The following SYNPR variants were observed in gnomAD, a reference collection of about 807,000 sequenced individuals.
The protein encoded by SYNPR is synaptoporin.
In SYNPR, 23 loss-of-function variants were observed where a neutral mutation model predicts 32.9. That is an observed-to-expected ratio of 0.70 (90% CI 0.50 to 0.99). The LOEUF is 0.99. SYNPR is among the 50% of genes least tolerant of loss of function. SYNPR has a pLI of 0.00. For missense variants in SYNPR, 318 were observed against 349.3 expected (o/e 0.91, Z 0.71); for synonymous variants, 146 against 135.9 (o/e 1.07, Z -0.52).
In SYNPR at chr3:63,454,403, C is replaced by T. The variant is rs76285966; in HGVS notation, c.85-26429C>T. Among the ~76,000 whole-genome samples, 1,291 of 152,274 alleles carry T rather than the reference C, an allele frequency of 8.5e-3. 57 individuals carry two copies. The East Asian group carries it at 0.13, about 16-fold the overall frequency. The stretch of plus-strand genomic sequence containing the variant: ...GATTCGAAGCTTGTTGACCAACCAA[C>T]ACCACTTCTTCTGCTTCCCAGAGAA... On this transcript the variant is annotated intron_variant, in intron 2 of 5. Coordinates refer to ENST00000478300, the MANE Select transcript of SYNPR (RefSeq NM_001130003.2).
intron 3 of SYNPR, among the ~76,000 whole-genome samples, chr3:63,494,441 A>G (rs907517005): frequency 7.9e-6 from 1 of 126,258 alleles, no homozygotes; most frequent in African/African-American, 3.1e-5. Flanking sequence ...ATACGTATAT[A>G]TATATACACA....
At chr3:63,485,594 T>C (rs962244749) in intron 3 of SYNPR, among the ~76,000 whole-genome samples, 1 of 152,118 alleles carries the variant, frequency 6.6e-6, no homozygotes, top group Non-Finnish European at 1.5e-5. Flanking sequence ...ACCAATACAA[T>C]GCAAATTTTG....
At chr3:63,273,107 G>A (rs1220768356) in intron 3 of SYNPR, among the ~76,000 whole-genome samples, 3 of 152,152 alleles carry the variant, frequency 2.0e-5, no homozygotes, top group South Asian at 2.1e-4. Flanking sequence ...TACGTTCCTG[G>A]AATACTAGCA....
chr3:63,264,950 T>G (rs939496481), intron 2 of SYNPR, among the ~76,000 whole-genome samples: 7 of 151,910 alleles, frequency 4.6e-5, no homozygotes, highest in Non-Finnish European at 7.4e-5. Context: ...TTCAATTGCT[T>G]CCACCTGGTC....
At chr3:63,431,809 T>C (rs978473942) in intron 2 of SYNPR, among the ~76,000 whole-genome samples, 1 of 148,216 alleles carries the variant, frequency 6.7e-6, no homozygotes, top group Middle Eastern at 3.6e-3. Context: ...GAGTCCTCAT[T>C]AAAAAAAAGT....
intron 2 of SYNPR, among the ~76,000 whole-genome samples, chr3:63,280,356 AT>A (rs2086617088): frequency 6.6e-6 from 1 of 152,128 alleles, no homozygotes; most frequent in Non-Finnish European, 1.5e-5. Context: ...ATGAATCTGC[AT>A]TTTAAATGAG....
chr3:63,356,405 G>C (rs1482064564), intron 2 of SYNPR, among the ~76,000 whole-genome samples: 1 of 152,206 alleles, frequency 6.6e-6, no homozygotes, highest in Admixed American at 6.5e-5. Context: ...CTCATTATGT[G>C]TTAGACAGTA....
At chr3:63,519,298 A>T (rs1244047749) in intron 3 of SYNPR, among the ~76,000 whole-genome samples, 1 of 152,196 alleles carries the variant, frequency 6.6e-6, no homozygotes, top group Non-Finnish European at 1.5e-5. Context: ...TAATTGTGAA[A>T]CCATGAAAGA....
intron 2 of SYNPR, among the ~76,000 whole-genome samples, chr3:63,474,760 G>A (rs1700867955): frequency 1.3e-5 from 2 of 152,054 alleles, no homozygotes. Flanking sequence ...CCAACTACTT[G>A]GTTTCAATCT....
the SYNPR span, among the ~76,000 whole-genome samples, chr3:63,209,992 A>C: frequency 7.9e-5 from 12 of 152,204 alleles, no homozygotes; most frequent in East Asian, 2.3e-3. Context: ...AATGAGGTTT[A>C]GAAAACCTCA....
chr3:63,256,154 C>A (rs6809234), intron 2 of SYNPR, among the ~76,000 whole-genome samples: 2 of 152,168 alleles, frequency 1.3e-5, no homozygotes, highest in Non-Finnish European at 2.9e-5. Context: ...CAGGGCATAG[C>A]GAAACAAAAG....
At chr3:63,248,296 A>G (rs989932641) in intron 1 of SYNPR, among the ~76,000 whole-genome samples, 2 of 152,110 alleles carry the variant, frequency 1.3e-5, no homozygotes, top group African/African-American at 4.8e-5. Context: ...GACTTGCAAT[A>G]AATACCTCGC....
chr3:63,414,239 G>A (rs1403465463), intron 2 of SYNPR, among the ~76,000 whole-genome samples: 1 of 152,130 alleles, frequency 6.6e-6, no homozygotes. Flanking sequence ...AACTTAAAAT[G>A]TAGTTGACAG....
rs139032176 is a variant in SYNPR, at chr3:63,235,713, C to T, written n.66+7333C>T. Among the ~76,000 whole-genome samples the T allele has an allele frequency of 2.8e-3, 420 of 152,188 alleles. 1 individual carries two copies. The highest frequency in any genetic ancestry group is 9.5e-3 in the African/African-American group (393 of 41,528). The stretch of plus-strand genomic sequence containing the variant: ...AACCTTTAGCGACCACTTATTTGGT[C>T]TCATTTCTAAAATTTTATTTTGAGA... On this transcript the variant is annotated intron_variant and non_coding_transcript_variant, in intron 1 of 4. Transcript: ENST00000478456.
At chr3:63,290,143 A>AAAAATCAC (rs1553864586) in intron 2 of SYNPR, among the ~76,000 whole-genome samples, 1 of 149,752 alleles carries the variant, frequency 6.7e-6, no homozygotes, top group Non-Finnish European at 1.5e-5. Flanking sequence ...AAACAAAAAA[A>AAAAATCAC]CTCCTTTTCA....
At chr3:63,222,006 G>A in the SYNPR span, among the ~76,000 whole-genome samples, 1 of 66,020 alleles carries the variant, frequency 1.5e-5, no homozygotes, top group Admixed American at 1.6e-4. Context: ...AAGAGGCCAT[G>A]CTCAATTTTT....
intron 2 of SYNPR, among the ~76,000 whole-genome samples, chr3:63,334,277 T>C (rs1023206695): frequency 3.3e-5 from 5 of 152,200 alleles, no homozygotes; most frequent in Non-Finnish European, 2.9e-5. Flanking sequence ...TTTGGCTCAA[T>C]ACTTAAAATC....
At chr3:63,380,986 C>T (rs1172326967) in intron 2 of SYNPR, among the ~76,000 whole-genome samples, 1 of 152,128 alleles carries the variant, frequency 6.6e-6, no homozygotes, top group African/African-American at 2.4e-5. Context: ...CCTTTGAACA[C>T]TGGCACAAGA....
intron 2 of SYNPR, among the ~76,000 whole-genome samples, chr3:63,446,778 A>G (rs902360931): frequency 2.0e-5 from 3 of 152,062 alleles, no homozygotes; most frequent in Non-Finnish European, 4.4e-5. Flanking sequence ...AACAAAAACC[A>G]CCCACCACAA....
Sources: allele counts gnomAD v4.1 joint callset (sites outside exome capture counted in the v4.1 genomes callset), GRCh38; gene constraint gnomAD v4.1.1; transcripts MANE v1.5; gene names NCBI Gene and HGNC (gene_info 2026-07-23, HGNC 2026-07-21).